The following EPB41L4A variants were observed in gnomAD, a reference collection of about 807,000 sequenced individuals.
EPB41L4A encodes band 4.1-like protein 4A.
A neutral mutation model predicts 108.6 loss-of-function variants in EPB41L4A; 100 were observed. The ratio of observed to expected loss-of-function variants is 0.92; its 90% CI spans 0.78 to 1.09. The LOEUF (loss-of-function observed/expected upper bound fraction) is 1.09. Ranked by LOEUF, EPB41L4A falls within the 50% of genes least tolerant of loss-of-function variation. The probability of loss-of-function intolerance (pLI) is 0.00; values close to 1 mark genes in which losing one functional copy is unlikely to be tolerated. For missense variants in EPB41L4A, 1,030 were observed against 842.7 expected (o/e 1.22, Z -2.75); for synonymous variants, 319 against 289.0 (o/e 1.10, Z -1.05).
intron 12 of EPB41L4A, among the ~76,000 whole-genome samples, chr5:112,154,028 G>A (rs1759565364): frequency 6.6e-6 from 1 of 152,234 alleles, no homozygotes; most frequent in African/African-American, 2.4e-5. Flanking sequence ...ATATGGCCAA[G>A]TTAATTGGTA....
chr5:112,378,104 G>T (rs1554106731), intron 1 of EPB41L4A, among the ~76,000 whole-genome samples: 3 of 152,262 alleles, frequency 2.0e-5, no homozygotes, highest in East Asian at 1.9e-4. Flanking sequence ...TCTGCACGGA[G>T]AAATTTATTT....
chr5:112,373,997 C>T (rs1759652925), intron 1 of EPB41L4A, among the ~76,000 whole-genome samples: 1 of 152,152 alleles, frequency 6.6e-6, no homozygotes, highest in African/African-American at 2.4e-5. Context: ...AAGAGAGCAA[C>T]TCATGTATAC....
rs1478117084 is a variant in EPB41L4A, at chr5:112,234,634, C to CA, written c.1086dup (p.Glu363Ter). The CA allele has an allele frequency of 6.2e-7, 1 of 1,612,134 alleles. No individual in the cohort carries two copies. Among genetic ancestry groups the CA allele is most frequent in the Non-Finnish European group, 8.5e-7 (1 of 1,178,844 alleles). ...ATAACTCAGGGGAACCATGACTTAC[C>CA]AGCTGGCTGTGTTTGTGCTATTCGC... On this transcript the variant is annotated frameshift_variant and splice_region_variant, in exon 12 of 23. Transcript: ENST00000261486. LOFTEE classifies it high-confidence loss of function.
intron 2 of EPB41L4A, among the ~76,000 whole-genome samples, chr5:112,288,978 G>C (rs1753469483): frequency 6.6e-6 from 1 of 152,042 alleles, no homozygotes; most frequent in African/African-American, 2.4e-5. Flanking sequence ...GGCCTTGGGA[G>C]GGATAAGTGC....
rs1762905905 is a variant in EPB41L4A, at chr5:112,419,047, G to A, written c.-8C>T. Reference sequence around the variant, plus strand: ...AGCGCAGAAACAGCCCATGTCGGTTGTGGTCGTCTCCAGCCAGGAGAGAAA... The same window carrying A: ...AGCGCAGAAACAGCCCATGTCGGTTATGGTCGTCTCCAGCCAGGAGAGAAA... On this transcript the variant is annotated 5_prime_UTR_variant, in exon 1 of 23. Transcript: ENST00000261486. 1 of 1,610,998 alleles carries A rather than the reference G, an allele frequency of 6.2e-7. No individual in the cohort carries two copies. Among genetic ancestry groups the A allele is most frequent in the Non-Finnish European group, 8.5e-7 (1 of 1,177,666 alleles).
At chr5:112,410,900 C>CG (rs1762369897) in intron 1 of EPB41L4A, among the ~76,000 whole-genome samples, 1 of 152,134 alleles carries the variant, frequency 6.6e-6, no homozygotes, top group East Asian at 1.9e-4. Context: ...GCCATTGCTA[C>CG]CACCTGAGGA....
chr5:112,259,426 C>A, intron 8 of EPB41L4A, 134 bp from the exon 9 acceptor site: 1 of 685,758 alleles, frequency 1.5e-6, no homozygotes, highest in Non-Finnish European at 2.6e-6. Flanking sequence ...GTACATACAG[C>A]GACAGAGAGA....
At chr5:112,356,853 T>C (rs1344344130) in intron 1 of EPB41L4A, among the ~76,000 whole-genome samples, 1 of 152,198 alleles carries the variant, frequency 6.6e-6, no homozygotes, top group Non-Finnish European at 1.5e-5. Flanking sequence ...CTGGAACATG[T>C]TGAAATATCA....
At chr5:112,265,793 C>G (rs1013883022) in intron 5 of EPB41L4A, among the ~76,000 whole-genome samples, 1 of 152,184 alleles carries the variant, frequency 6.6e-6, no homozygotes, top group Non-Finnish European at 1.5e-5. Context: ...ACATGAAGAG[C>G]TGAAGAGCAC....
At chr5:112,239,527 T>G (rs1029621923) in intron 11 of EPB41L4A, 133 bp downstream of exon 11, 2 of 502,204 alleles carry the variant, frequency 4.0e-6, no homozygotes, top group Non-Finnish European at 6.9e-6. Context: ...AATAAACTGT[T>G]ATGCTTACAA....
At chr5:112,301,604 A>C (rs1039014275) in intron 2 of EPB41L4A, among the ~76,000 whole-genome samples, 6 of 152,114 alleles carry the variant, frequency 3.9e-5, no homozygotes, top group Non-Finnish European at 8.8e-5. Flanking sequence ...GGATTCTCTC[A>C]GCTTTCTTGG....
chr5:112,152,531 T>G (rs1029206950), intron 12 of EPB41L4A, among the ~76,000 whole-genome samples: 3 of 152,148 alleles, frequency 2.0e-5, no homozygotes, highest in African/African-American at 7.2e-5. Flanking sequence ...TTTCACATTG[T>G]AGGGATGCAG....
chr5:112,308,742 G>A (rs1754850870), intron 1 of EPB41L4A, among the ~76,000 whole-genome samples: 1 of 152,138 alleles, frequency 6.6e-6, no homozygotes. Flanking sequence ...AAATCTTGAA[G>A]TGAAATTACT....
chr5:112,265,182 C>T (rs1368098377), intron 5 of EPB41L4A, among the ~76,000 whole-genome samples, 166 bp from the exon 6 acceptor site: 7 of 152,116 alleles, frequency 4.6e-5, no homozygotes, highest in South Asian at 2.1e-4. Flanking sequence ...TGAGCATATA[C>T]GGATGGTAGC....
chr5:112,238,030 C>A (rs572531390), intron 11 of EPB41L4A, among the ~76,000 whole-genome samples: 1 of 152,208 alleles, frequency 6.6e-6, no homozygotes, highest in African/African-American at 2.4e-5. Context: ...ATTTGCATTT[C>A]AATAAATTTG....
intron 2 of EPB41L4A, among the ~76,000 whole-genome samples, chr5:112,299,518 G>T (rs4958034): frequency 0.041 from 6,308 of 152,230 alleles, 495 homozygotes; most frequent in East Asian, 0.33. Flanking sequence ...TTGTTGGGTA[G>T]AATGTTCTGT....
At chr5:112,386,509 G>C (rs1296433917) in intron 1 of EPB41L4A, among the ~76,000 whole-genome samples, 1 of 152,130 alleles carries the variant, frequency 6.6e-6, no homozygotes, top group African/African-American at 2.4e-5. Flanking sequence ...CGGGGAATGA[G>C]GTTTTCTGGG....
At chr5:112,152,820 CA>C (rs1252773722) in intron 12 of EPB41L4A, among the ~76,000 whole-genome samples, 3 of 150,948 alleles carry the variant, frequency 2.0e-5, no homozygotes, top group African/African-American at 4.9e-5. Flanking sequence ...ATTCTCGAAG[CA>C]AAAAAAATTA....
At chr5:112,211,531 T>C (rs962738656) in intron 12 of EPB41L4A, among the ~76,000 whole-genome samples, 1 of 149,588 alleles carries the variant, frequency 6.7e-6, no homozygotes, top group African/African-American at 2.5e-5. Flanking sequence ...GAGGTTGTAG[T>C]GAGCTGAGAT....
Sources: gnomAD v4.1 joint callset for allele counts (sites outside exome capture counted in the v4.1 genomes callset) on GRCh38, gnomAD v4.1.1 for gene constraint, MANE v1.5 for transcripts, NCBI Gene and HGNC (gene_info 2026-07-23, HGNC 2026-07-21) for gene names.